The following ZNF212 variants were observed in gnomAD, a reference collection of about 807,000 sequenced individuals.
ZNF212 encodes the protein Zinc finger protein C2H2-150.
Under a neutral mutation model 47.3 loss-of-function variants are expected in ZNF212, and 32 were observed. That is an observed-to-expected ratio of 0.68 (90% CI 0.51 to 0.91). The LOEUF (loss-of-function observed/expected upper bound fraction) is 0.91, where lower values mean the gene tolerates loss of function less well. Ranked by LOEUF, ZNF212 falls within the 40% of genes least tolerant of loss-of-function variation. The pLI, the probability that ZNF212 is intolerant of heterozygous loss-of-function variation, is 0.00. For synonymous variants in ZNF212, 242 were observed against 253.8 expected, an observed-to-expected ratio of 0.95 and a Z score of 0.44; for missense variants, 555 against 622.8, an observed-to-expected ratio of 0.89 and a Z score of 1.16.
chr7:149,249,090 G>A (rs1228316178), intron 1 of ZNF212, among the ~76,000 whole-genome samples: 1 of 152,196 alleles, frequency 6.6e-6, no homozygotes, highest in Non-Finnish European at 1.5e-5. Flanking sequence ...AACGTGCAGG[G>A]AGACAGTAGG....
rs747826398 is a variant in ZNF212 at position 149,240,389 on chromosome 7, C to G, written c.24+587C>G. ...GCCCAAACTCTCTCCTTCACCCCCC[C>G]CCCAACACCCCCCTCCCAGCCCACC... On this transcript the variant is annotated intron_variant, in intron 1 of 4. Transcript: ENST00000335870. Among the ~76,000 whole-genome samples the G allele has an allele frequency of 1.1e-3, 171 of 150,500 alleles. 1 individual carries two copies. Among genetic ancestry groups the G allele is most frequent in the Admixed American group, 3.5e-3 (53 of 15,118 alleles).
chr7:149,240,827 AG>A (rs1204892694), intron 1 of ZNF212, among the ~76,000 whole-genome samples: 2 of 152,224 alleles, frequency 1.3e-5, no homozygotes, highest in Non-Finnish European at 2.9e-5. Context: ...GACCATGAGC[AG>A]GGTGCGCTAT....
At chr7:149,249,154 A>G (rs892284060) in intron 1 of ZNF212, among the ~76,000 whole-genome samples, 5 of 152,232 alleles carry the variant, frequency 3.3e-5, no homozygotes, top group Admixed American at 6.5e-5. Context: ...TTTAGCTTCT[A>G]TGACAGTGAT....
intron 4 of ZNF212, among the ~76,000 whole-genome samples, chr7:149,253,044 C>T (rs974623067): frequency 9.9e-5 from 15 of 152,146 alleles, no homozygotes; most frequent in South Asian, 8.3e-4. Flanking sequence ...GAGTACCGTA[C>T]GAGGCGGTAG....
Position 149,253,569 on chromosome 7 carries a change from C to A in ZNF212, c.642C>A (p.Val214=). Residue 214 remains valine (V), a synonymous_variant, in exon 5 of 5, where the codon GTC becomes GTA. Coordinates refer to ENST00000335870, the MANE Select transcript of ZNF212 (RefSeq NM_012256.4). ...TCTTCCACTTTGCAGCAGGTGGGGTCATGATCAAACAGGAGCTACAGTATA... is the reference window on the plus strand; with the variant it reads ...TCTTCCACTTTGCAGCAGGTGGGGTAATGATCAAACAGGAGCTACAGTATA... ...GPGGAHPAGG[V]MIKQELQYTQ... is the part of the protein sequence containing the mutation. The A allele has an allele frequency of 6.2e-7, 1 of 1,600,008 alleles. No homozygotes were observed. The highest frequency in any genetic ancestry group is 1.1e-5 in the South Asian group (1 of 90,640).
At chr7:149,241,730 G>A (rs1796591967) in intron 1 of ZNF212, among the ~76,000 whole-genome samples, 1 of 152,182 alleles carries the variant, frequency 6.6e-6, no homozygotes, top group African/African-American at 2.4e-5. Context: ...CAACTTTGAG[G>A]GCATTGGCCA....
chr7:149,253,875 C>T lies in ZNF212; in HGVS notation c.948C>T (p.Tyr316=), dbSNP rs771185436. 3.1e-5 allele frequency: 50 copies of T among 1,613,912 alleles called. No individual in the cohort carries two copies. Among genetic ancestry groups the T allele is most frequent in the Middle Eastern group, 1.6e-4 (1 of 6,084 alleles). Residue 316 remains tyrosine (Y), a synonymous_variant, in exon 5 of 5, where the codon TAC becomes TAT. Transcript: ENST00000335870. The stretch of plus-strand genomic sequence containing the variant: ...TGAAAAAGGACACTTCCCGCCCCTA[C>T]GAATGTTCTGAGTGTGAGATCACCT... ...LKLKKDTSRP[Y]ECSECEITFR... is the part of the protein sequence containing the mutation.
chr7:149,253,216 A>G (rs938127022), intron 4 of ZNF212, among the ~76,000 whole-genome samples: 1 of 152,080 alleles, frequency 6.6e-6, no homozygotes, highest in African/African-American at 2.4e-5. Context: ...TAATCATTCA[A>G]ATTTGTTATT....
In ZNF212 at chr7:149,250,804, C is replaced by A; in HGVS notation, c.538C>A (p.Leu180Met). ...MESNYETLVS[L>M]KVLGQTEGEA... ...GAGTAACTATGAGACACTGGTCTCT[C>A]TGAGTGAGTAGCAGTTTTCTCCCTA... Residue 180 changes from leucine to methionine, a missense_variant, in exon 3 of 5, where the codon CTG (leucine) becomes ATG (methionine). Transcript: ENST00000335870. 1.2e-6 allele frequency: 2 copies of A among 1,614,224 alleles called. No homozygotes were observed. Among genetic ancestry groups the A allele is most frequent in the African/African-American group, 1.3e-5 (1 of 75,066 alleles).
At chr7:149,239,952 G>C (rs1443521531) in intron 1 of ZNF212, 150 bp downstream of exon 1, 6 of 902,094 alleles carry the variant, frequency 6.7e-6, no homozygotes, top group Non-Finnish European at 5.9e-6. Flanking sequence ...TCCTCTTCGC[G>C]ACCCCAGTGC....
In ZNF212 at chr7:149,250,404, G is replaced by A; in HGVS notation, c.270G>A (p.Leu90=). The A allele has an allele frequency of 6.2e-7, 1 of 1,614,202 alleles. No individual in the cohort carries two copies. Among genetic ancestry groups the A allele is most frequent in the Non-Finnish European group, 8.5e-7 (1 of 1,180,026 alleles). ...EKMAVEFGNQ[L]EGKWAVLGTL... is the part of the protein sequence containing the mutation. ...TGGCCGTGGAGTTCGGGAACCAGCT[G>A]GAGGGCAAGTGGGCCGTGCTGGGGA... The change falls in exon 2 of 5, where the codon CTG becomes CTA. Residue 90 remains leucine, a synonymous_variant. Transcript: ENST00000335870.
intron 1 of ZNF212, chr7:149,240,018 T>G (rs886990497): frequency 3.0e-5 from 15 of 495,434 alleles, no homozygotes; most frequent in Non-Finnish European, 4.5e-5. Flanking sequence ...CTCGGCGCCG[T>G]GCGCCCTTGC....
At chr7:149,242,752 A>G (rs1035231968) in intron 1 of ZNF212, among the ~76,000 whole-genome samples, 1 of 152,240 alleles carries the variant, frequency 6.6e-6, no homozygotes, top group Non-Finnish European at 1.5e-5. Flanking sequence ...ATTAAAATAC[A>G]TGATGGCATT....
intron 1 of ZNF212, among the ~76,000 whole-genome samples, chr7:149,246,224 A>G (rs1796674146): frequency 6.6e-6 from 1 of 152,162 alleles, no homozygotes. Context: ...CTACTTTGAC[A>G]TTCTAAGACG....
In ZNF212 at chr7:149,250,952, G is replaced by A; in HGVS notation, c.541+145G>A. ...CGGGCAGAGAAATGCCAGTCTCTAG[G>A]TCCTCCCATTTACAGACCTGCACGG... is the stretch of plus-strand genomic sequence containing the variant. On this transcript the variant is annotated intron_variant, in intron 3 of 4. Coordinates refer to ENST00000335870, the MANE Select transcript of ZNF212 (RefSeq NM_012256.4). The A allele has an allele frequency of 4.5e-6, 5 of 1,100,694 alleles. No individual in the cohort carries two copies. The South Asian group carries it at 7.9e-5, about 17-fold the overall frequency. The allele number at this position is 1,100,694 out of a possible 1,614,324, so 68.2% of individuals were successfully genotyped here. A position where few individuals can be genotyped will look rare whatever the true frequency, so the allele number is the denominator to read the frequency against.
intron 1 of ZNF212, among the ~76,000 whole-genome samples, chr7:149,244,844 A>C (rs1183186589): frequency 6.6e-6 from 1 of 152,212 alleles, no homozygotes; most frequent in Non-Finnish European, 1.5e-5. Context: ...AAGGGATTCT[A>C]GCACCTGGCT....
intron 1 of ZNF212, 130 bp downstream of exon 1, chr7:149,239,932 ACGCGGACCCTC>A: frequency 9.3e-7 from 1 of 1,079,368 alleles, no homozygotes; most frequent in East Asian, 3.2e-5. Flanking sequence ...GCGCGGGTGA[ACGCGGACCCTC>A]CTCTTCGCGA....
intron 2 of ZNF212, 21 bp downstream of exon 2, chr7:149,250,569 AAGTT>A (rs751958487): frequency 2.6e-5 from 42 of 1,604,342 alleles, no homozygotes; most frequent in Non-Finnish European, 3.5e-5. Flanking sequence ...TGAGGATTAA[AAGTT>A]AGAAGAGAAG....
At chr7:149,246,117 TC>T (rs1296721774) in intron 1 of ZNF212, among the ~76,000 whole-genome samples, 1 of 152,234 alleles carries the variant, frequency 6.6e-6, no homozygotes, top group African/African-American at 2.4e-5. Context: ...ATTTTGGGGT[TC>T]TTGACCTTTT....
Sources: gnomAD v4.1 joint callset for allele counts (sites outside exome capture counted in the v4.1 genomes callset) on GRCh38, gnomAD v4.1.1 for gene constraint, MANE v1.5 for transcripts, NCBI Gene and HGNC (gene_info 2026-07-23, HGNC 2026-07-21) for gene names.